The following TGFBR1 variants were observed in gnomAD, a reference collection of about 807,000 sequenced individuals.
TGFBR1 encodes transforming growth factor beta receptor 1, also known as TGF-beta receptor type-1.
In TGFBR1, 20 loss-of-function variants were observed where a neutral mutation model predicts 55.1. The ratio of observed to expected loss-of-function variants is 0.36; its 90% CI spans 0.26 to 0.53. TGFBR1 has a LOEUF of 0.53. Ranked by LOEUF, TGFBR1 falls within the 20% of genes least tolerant of loss-of-function variation. TGFBR1 has a pLI of 0.91. For synonymous variants in TGFBR1, 220 were observed against 214.8 expected (o/e 1.02, Z -0.21); for missense variants, 385 against 617.6 (o/e 0.62, Z 3.99).
At chr9:99,127,961 TAC>T (rs931853119) in intron 1 of TGFBR1, 1 of 455,946 alleles carries the variant, frequency 2.2e-6, no homozygotes, top group African/African-American at 2.0e-5. Flanking sequence ...TCAAGGAGTT[TAC>T]AGTTTCATAG....
intron 1 of TGFBR1, among the ~76,000 whole-genome samples, chr9:99,119,917 C>A (rs10739779): frequency 0.16 from 24,028 of 152,206 alleles, 2,051 homozygotes; most frequent in Non-Finnish European, 0.2. Context: ...AGAGCTGTCT[C>A]AACATTAGCT....
intron 8 of TGFBR1, 94 bp downstream of exon 8, chr9:99,147,878 T>A (rs1199129778): frequency 2.2e-6 from 3 of 1,390,182 alleles, no homozygotes; most frequent in Non-Finnish European, 3.0e-6. Flanking sequence ...AACTTTTCTT[T>A]AAGAATTTTC....
At chr9:99,147,042 G>A (rs1402982313) in intron 7 of TGFBR1, among the ~76,000 whole-genome samples, 1 of 152,052 alleles carries the variant, frequency 6.6e-6, no homozygotes, top group African/African-American at 2.4e-5. Flanking sequence ...CCATTGTGTT[G>A]TATTCTAGAG....
intron 1 of TGFBR1, chr9:99,127,956 G>T (rs1827087138): frequency 2.2e-6 from 1 of 455,908 alleles, no homozygotes; most frequent in Non-Finnish European, 4.4e-6. Context: ...TGGCCTCAAG[G>T]AGTTTACAGT....
chr9:99,120,003 G>A (rs1164130422), intron 1 of TGFBR1, among the ~76,000 whole-genome samples: 2 of 152,206 alleles, frequency 1.3e-5, no homozygotes, highest in Non-Finnish European at 1.5e-5. Flanking sequence ...TTGAAAAAGT[G>A]CATAAACTAA....
At chr9:99,134,850 A>G (rs1232269118) in intron 3 of TGFBR1, among the ~76,000 whole-genome samples, 2 of 106,472 alleles carry the variant, frequency 1.9e-5, no homozygotes, top group Non-Finnish European at 4.0e-5. Context: ...ATATATATAT[A>G]TATTTCTAGA....
At chr9:99,147,325 T>C (rs1827826576) in intron 7 of TGFBR1, among the ~76,000 whole-genome samples, 1 of 152,220 alleles carries the variant, frequency 6.6e-6, no homozygotes, top group Admixed American at 6.5e-5. Flanking sequence ...TGAGAGCCTG[T>C]GCACTTACAG....
Position 99,151,391 on chromosome 9 carries a change from T to A in TGFBR1, c.*2086T>A, listed in dbSNP as rs148063684. 1.8e-4 allele frequency: 39 copies of A among 215,386 alleles called. No homozygotes were observed. The highest frequency in any genetic ancestry group is 9.1e-4 in the African/African-American group (37 of 40,820). 13.3% of individuals were successfully genotyped at this position (215,386 alleles called of 1,614,324 possible). A position where few individuals can be genotyped will look rare whatever the true frequency, so the allele number is the denominator to read the frequency against. ...CAGGTACTTTTTTTGTGGGGGTTTTTTTTTTGTTTTTTTTTTTTTGTTGTT... is the reference window on the plus strand; with the variant it reads ...CAGGTACTTTTTTTGTGGGGGTTTTATTTTTGTTTTTTTTTTTTTGTTGTT... On this transcript the variant is annotated 3_prime_UTR_variant, in exon 9 of 9. Coordinates refer to ENST00000374994, the MANE Select transcript of TGFBR1 (RefSeq NM_004612.4).
At chr9:99,134,786 AAT>A (rs1827367139) in intron 3 of TGFBR1, among the ~76,000 whole-genome samples, 1 of 125,256 alleles carries the variant, frequency 8.0e-6, no homozygotes, top group African/African-American at 2.9e-5. Context: ...GAAACAATGG[AAT>A]AATTCTGTTT....
intron 1 of TGFBR1, among the ~76,000 whole-genome samples, chr9:99,115,443 A>C (rs1384122352): frequency 6.6e-6 from 1 of 152,174 alleles, no homozygotes; most frequent in Non-Finnish European, 1.5e-5. Flanking sequence ...ATAGGTCCCC[A>C]GGGAAAAGGC....
chr9:99,111,004 A>G (rs1826551473), intron 1 of TGFBR1, among the ~76,000 whole-genome samples: 2 of 152,118 alleles, frequency 1.3e-5, no homozygotes, highest in African/African-American at 2.4e-5. Flanking sequence ...TTTGCAAACC[A>G]TGAGAATTTG....
chr9:99,137,393 C>T (rs527286289), intron 3 of TGFBR1, among the ~76,000 whole-genome samples: 1 of 152,248 alleles, frequency 6.6e-6, no homozygotes, highest in East Asian at 1.9e-4. Context: ...AAAGGTTCCT[C>T]TTTTACCTAA....
chr9:99,128,567 T>C lies in TGFBR1; in HGVS notation c.98-288T>C, dbSNP rs576454897. The C allele has an allele frequency of 9.4e-4, 454 of 485,488 alleles. 2 individuals carry two copies. The highest frequency in any genetic ancestry group is 1.5e-3 in the Non-Finnish European group (392 of 259,880). 30.1% of individuals were successfully genotyped at this position (485,488 alleles called of 1,614,324 possible). A position where few individuals can be genotyped will look rare whatever the true frequency, so the allele number is the denominator to read the frequency against. ...AAGGCAAATGCTTGCCTTGCTTTGA[T>C]GAAATTGAACATAACAAAATTTTTC... On this transcript the variant is annotated intron_variant, in intron 1 of 8. Coordinates refer to ENST00000374994, the MANE Select transcript of TGFBR1 (RefSeq NM_004612.4).
chr9:99,106,011 G>A (rs1279320797), intron 1 of TGFBR1, among the ~76,000 whole-genome samples: 1 of 152,254 alleles, frequency 6.6e-6, no homozygotes, highest in African/African-American at 2.4e-5. Flanking sequence ...TTCTTCTTTC[G>A]TGCGTCTGGG....
chr9:99,147,682 T>C lies in TGFBR1; in HGVS notation c.1284T>C (p.Tyr428=), dbSNP rs201163170. 1.9e-6 allele frequency: 3 copies of C among 1,613,678 alleles called. No homozygotes were observed. Among genetic ancestry groups the C allele is most frequent in the Non-Finnish European group, 2.5e-6 (3 of 1,179,712 alleles). ...GGIHEDYQLP[Y]YDLVPSDPSV... The stretch of plus-strand genomic sequence containing the variant: ...TTCATGAAGATTACCAACTGCCTTA[T>C]TATGATCTTGTACCTTCTGACCCAT... The change falls in exon 8 of 9, where the codon TAT becomes TAC. Residue 428 remains tyrosine, a synonymous_variant. Transcript: ENST00000374994.
chr9:99,146,210 C>T (rs1336340726), intron 6 of TGFBR1, among the ~76,000 whole-genome samples: 1 of 152,064 alleles, frequency 6.6e-6, no homozygotes, highest in African/African-American at 2.4e-5. Context: ...CATTAGGACA[C>T]CTTTAACAGT....
At chr9:99,144,676 T>TGA in intron 5 of TGFBR1, 56 bp from the exon 6 acceptor site, 1 of 1,605,306 alleles carries the variant, frequency 6.2e-7, no homozygotes, top group Non-Finnish European at 8.5e-7. Context: ...CCTAAAGATG[T>TGA]GAGTTGTGAT....
At chr9:99,123,155 A>G (rs1588570703) in intron 1 of TGFBR1, among the ~76,000 whole-genome samples, 2 of 152,244 alleles carry the variant, frequency 1.3e-5, no homozygotes, top group Admixed American at 6.5e-5. Context: ...TGCATGAGGG[A>G]TACTCAACTT....
At chr9:99,144,937 T>C (rs776275201) in intron 6 of TGFBR1, 49 bp downstream of exon 6, 46 of 1,597,410 alleles carry the variant, frequency 2.9e-5, no homozygotes, top group Middle Eastern at 3.3e-4. Context: ...TCACCTTTTT[T>C]CCCTTCTCTT....
Sources: allele counts gnomAD v4.1 joint callset (sites outside exome capture counted in the v4.1 genomes callset), GRCh38; gene constraint gnomAD v4.1.1; transcripts MANE v1.5; gene names NCBI Gene and HGNC (gene_info 2026-07-23, HGNC 2026-07-21).